TMEM141: variants seen among roughly 807,000 people sequenced by gnomAD.
The protein encoded by TMEM141 is transmembrane protein 141.
In TMEM141, 18 loss-of-function variants were observed where a neutral mutation model predicts 15.9. The ratio of observed to expected loss-of-function variants is 1.13; its 90% CI spans 0.78 to 1.68. The LOEUF is 1.68. Ranked by LOEUF, TMEM141 falls within the 40% of genes most tolerant of loss-of-function variation. The pLI, the probability that TMEM141 is intolerant of heterozygous loss-of-function variation, is 0.00. For missense variants in TMEM141, 161 were observed against 139.5 expected (o/e 1.15, Z -0.78); for synonymous variants, 69 against 54.0 (o/e 1.28, Z -1.22).
In TMEM141 at chr9:136,791,421, C is replaced by G; in HGVS notation, c.51C>G (p.His17Gln). The change falls in exon 1 of 5, where the codon CAC (histidine) becomes CAG (glutamine). Residue 17 changes from histidine (H) to glutamine (Q), a missense_variant. By Grantham distance (24) the His-to-Gln change is conservative. Transcript: ENST00000290079. The part of the protein sequence containing the change: ...SRVDDAVAAK[H>Q]PGLGEYAACQ... ...TGGACGACGCCGTGGCTGCCAAGCA[C>G]CCGGTGAGAAGGCCGGTCTGGGACG... 6.4e-7 allele frequency: 1 copy of G among 1,557,788 alleles called. No homozygotes were observed. The highest frequency in any genetic ancestry group is 1.4e-5 in the African/African-American group (1 of 73,532).
chr9:136,791,829 C>T, intron 2 of TMEM141, 52 bp downstream of exon 2: 17 of 1,608,250 alleles, frequency 1.1e-5, no homozygotes, highest in Non-Finnish European at 1.4e-5. Flanking sequence ...CCCTCCCGCC[C>T]TGCCCTGACT....
At chr9:136,792,752 A>C (rs1193117011) in intron 4 of TMEM141, 67 bp from the exon 5 acceptor site, 1 of 1,288,732 alleles carries the variant, frequency 7.8e-7, no homozygotes, top group African/African-American at 1.5e-5. Context: ...TGCCATGATA[A>C]AATGGGCACA....
rs745725734 is a variant in TMEM141 at position 136,791,434 on chromosome 9, C to T, written c.54+10C>T. On this transcript the variant is annotated intron_variant, in intron 1 of 4. Coordinates refer to ENST00000290079, the MANE Select transcript of TMEM141 (RefSeq NM_032928.4). The stretch of plus-strand genomic sequence containing the variant: ...GGCTGCCAAGCACCCGGTGAGAAGG[C>T]CGGTCTGGGACGCGGGCCTCAAACC... The T allele has an allele frequency of 5.1e-6, 8 of 1,553,756 alleles. No homozygotes were observed. The highest frequency in any genetic ancestry group is 2.7e-5 in the African/African-American group (2 of 73,258).
At position 136,792,030 on chromosome 9, in the gene TMEM141, G is replaced by T; in HGVS notation, c.205G>T (p.Val69Phe). The T allele has an allele frequency of 2.5e-6, 4 of 1,613,870 alleles. No individual in the cohort carries two copies. Among genetic ancestry groups the T allele is most frequent in the Non-Finnish European group, 3.4e-6 (4 of 1,179,980 alleles). Residue 69 changes from valine (V) to phenylalanine (F), a missense_variant and splice_region_variant, in exon 3 of 5, where the codon GTT becomes TTT. Transcript: ENST00000290079. ...GCAGTGGAGCCTCCTAGTGGCCGTG[G>T]GTGGGTACTCCAGGGCCCCTGCCTG... is the stretch of plus-strand genomic sequence containing the variant. ...PLQWSLLVAV[V>F]AGSVVSYGVT... is the part of the protein sequence containing the mutation.
Position 136,791,994 on chromosome 9 carries a change from C to T in TMEM141, c.169C>T (p.Pro57Ser), listed in dbSNP as rs953807063. The T allele has an allele frequency of 1.2e-6, 2 of 1,614,100 alleles. No individual in the cohort carries two copies. The highest frequency in any genetic ancestry group is 1.3e-5 in the African/African-American group (1 of 75,046). ...GCAGATGTTCATTCAGAGGAAGTTT[C>T]CATACCCTTTGCAGTGGAGCCTCCT... ...GLQMFIQRKFPYPLQWSLLVA... is the reference protein window; with the variant it reads ...GLQMFIQRKFSYPLQWSLLVA... The change falls in exon 3 of 5, where the codon CCA (proline) becomes TCA (serine). Residue 57 changes from proline (P) to serine (S), a missense_variant. Pro to Ser is a moderately conservative substitution (Grantham distance 74, BLOSUM62 -1). Transcript: ENST00000290079.
In TMEM141 at chr9:136,792,277, G is replaced by C; in HGVS notation, c.232G>C (p.Val78Leu). ...TGCAGGCTCTGTGGTCAGCTACGGG[G>C]TGACGAGAGTGGAGTCGGAGAAATG... ...VVAGSVVSYG[V>L]TRVESEKCNN... The change falls in exon 4 of 5, where the codon GTG (valine) becomes CTG (leucine). Residue 78 changes from valine to leucine, a missense_variant. By Grantham distance (32) the Val-to-Leu change is conservative. Transcript: ENST00000290079. 4.4e-6 allele frequency: 7 copies of C among 1,587,664 alleles called. No homozygotes were observed. The highest frequency in any genetic ancestry group is 6.0e-6 in the Non-Finnish European group (7 of 1,166,474).
chr9:136,791,669 G>A (rs760817333), intron 1 of TMEM141, 42 bp from the exon 2 acceptor site: 41 of 1,604,664 alleles, frequency 2.6e-5, no homozygotes, highest in Non-Finnish European at 6.8e-6. Context: ...GGTGAAGGAA[G>A]AGGGCAGGGG....
At position 136,792,073 on chromosome 9, in the gene TMEM141, G is replaced by A. The variant is rs1036876114; in HGVS notation, c.205+43G>A. 4 of 1,609,234 alleles carry A rather than the reference G, an allele frequency of 2.5e-6. No homozygotes were observed. In the Admixed American group the frequency reaches 6.7e-5, roughly 27 times the overall value. ...CCTGCCTGGGCTCTTTGAGGGGTGG[G>A]TTTCTGCTAGGGTTGGGGCTGTGGT... On this transcript the variant is annotated intron_variant, in intron 3 of 4. Coordinates refer to ENST00000290079, the MANE Select transcript of TMEM141 (RefSeq NM_032928.4).
Position 136,792,761 on chromosome 9 carries a change from C to G in TMEM141, c.314-58C>G, listed in dbSNP as rs182473401. ...AGTTTCTGCCATGATAAAATGGGCA[C>G]AGGGATGCCCAGCCACGATGGATGT... On this transcript the variant is annotated intron_variant, in intron 4 of 4. Coordinates refer to ENST00000290079, the MANE Select transcript of TMEM141 (RefSeq NM_032928.4). 1.2e-4 allele frequency: 169 copies of G among 1,360,286 alleles called. 1 individual carries two copies. In the Admixed American group the frequency reaches 3.6e-3, roughly 29 times the overall value. The allele number at this position is 1,360,286 out of a possible 1,614,324, so 84.3% of individuals were successfully genotyped here.
At position 136,792,357 on chromosome 9, in the gene TMEM141, A is replaced by G; in HGVS notation, c.312A>G (p.Thr104=). The G allele has an allele frequency of 6.4e-7, 1 of 1,568,530 alleles. No homozygotes were observed. The highest frequency in any genetic ancestry group is 1.2e-5 in the South Asian group (1 of 85,424). The part of the protein sequence containing the change: ...ETGQLPKDRS[T]DQRS ...GGCAGCTCCCCAAAGACAGGAGCAC[A>G]GGTGAGAGAGCCTGGGGGTTAGCGA... The change falls in exon 4 of 5, where the codon ACA becomes ACG. Residue 104 remains threonine, a splice_region_variant and synonymous_variant. Coordinates refer to ENST00000290079, the MANE Select transcript of TMEM141 (RefSeq NM_032928.4).
intron 1 of TMEM141, 96 bp from the exon 2 acceptor site, chr9:136,791,615 C>T: frequency 6.3e-7 from 1 of 1,576,816 alleles, no homozygotes; most frequent in Admixed American, 1.7e-5. Context: ...CAGGGTCTCA[C>T]TCCTCCACAG....
intron 2 of TMEM141, 39 bp downstream of exon 2, chr9:136,791,816 G>T (rs371127316): frequency 3.7e-6 from 6 of 1,608,634 alleles, no homozygotes; most frequent in Non-Finnish European, 5.1e-6. Context: ...GGGAGAGAAC[G>T]CACCCTCCCG....
Position 136,791,957 on chromosome 9 carries a change from G to T in TMEM141, c.132G>T (p.Met44Ile), listed in dbSNP as rs754805976. 6.8e-6 allele frequency: 11 copies of T among 1,614,008 alleles called. No homozygotes were observed. The Admixed American group carries it at 1.7e-4, about 24-fold the overall frequency. ...GVFTFVTGTG[M>I]AFGLQMFIQR... ...CTCGGCTCTTTGCAGGCACCGGCAT[G>T]GCCTTTGGCTTGCAGATGTTCATTC... Residue 44 changes from methionine to isoleucine, a missense_variant, in exon 3 of 5, where the codon ATG becomes ATT. Physicochemically the swap from Met to Ile is conservative, Grantham distance 10. Transcript: ENST00000290079.
intron 3 of TMEM141, 60 bp from the exon 4 acceptor site, chr9:136,792,191 C>A: frequency 6.6e-7 from 1 of 1,522,076 alleles, no homozygotes; most frequent in South Asian, 1.2e-5. Context: ...AGCCTGTGCC[C>A]GGTTCTCTTA....
intron 1 of TMEM141, 68 bp from the exon 2 acceptor site, chr9:136,791,643 G>A (rs1453256145): frequency 1.3e-6 from 2 of 1,596,058 alleles, no homozygotes; most frequent in African/African-American, 1.3e-5. Flanking sequence ...GTGCCCAGAG[G>A]AGGGACAGGA....
intron 3 of TMEM141, 81 bp downstream of exon 3, chr9:136,792,111 ACT>A: frequency 6.4e-7 from 1 of 1,568,370 alleles, no homozygotes. Flanking sequence ...TGCGTCCCTG[ACT>A]CTGACATGGA....
intron 1 of TMEM141, 35 bp from the exon 2 acceptor site, chr9:136,791,676 G>A: frequency 6.2e-7 from 1 of 1,607,380 alleles, no homozygotes; most frequent in Admixed American, 1.7e-5. Flanking sequence ...GAAGAGGGCA[G>A]GGGATCGAGC....
At position 136,791,399 on chromosome 9, in the gene TMEM141, A is replaced by T. The variant is rs568070555; in HGVS notation, c.29A>T (p.Asp10Val). The T allele has an allele frequency of 6.4e-7, 1 of 1,560,024 alleles. No individual in the cohort carries two copies. The highest frequency in any genetic ancestry group is 2.4e-5 in the East Asian group (1 of 41,462). MVNLGLSRV[D>V]DAVAAKHPGL... ...GTGAACTTGGGTCTGTCCCGGGTGG[A>T]CGACGCCGTGGCTGCCAAGCACCCG... The change falls in exon 1 of 5, where the codon GAC (aspartate) becomes GTC (valine). Residue 10 changes from aspartate (D) to valine (V), a missense_variant. By Grantham distance (152) the Asp-to-Val change is radical (BLOSUM62 -3). Transcript: ENST00000290079.
At position 136,792,891 on chromosome 9, in the gene TMEM141, C is replaced by T. The variant is rs1016235958; in HGVS notation, c.*59C>T. On this transcript the variant is annotated 3_prime_UTR_variant, in exon 5 of 5. Transcript: ENST00000290079. ...CAGGAGGAGTCTGGAACACAGCCTT[C>T]ATGCCCCCTGACCCCAGGCCGACCC... is the stretch of plus-strand genomic sequence containing the variant. 22 of 1,471,014 alleles carry T rather than the reference C, an allele frequency of 1.5e-5. No homozygotes were observed. In the African/African-American group the frequency reaches 3.0e-4, roughly 20 times the overall value. The allele number at this position is 1,471,014 out of a possible 1,614,324, so 91.1% of individuals were successfully genotyped here. A position where few individuals can be genotyped will look rare whatever the true frequency, so the allele number is the denominator to read the frequency against.
Sources: allele counts gnomAD v4.1 joint callset, GRCh38; gene constraint gnomAD v4.1.1; transcripts MANE v1.5; gene names NCBI Gene and HGNC (gene_info 2026-07-23, HGNC 2026-07-21).